The following MTA3 variants were observed in gnomAD, a reference collection of about 807,000 sequenced individuals.
The protein encoded by MTA3 is metastasis-associated protein MTA3.
MTA3 carries 34 observed loss-of-function variants against 83.5 expected under a neutral mutation model. That is an observed-to-expected ratio of 0.41 (90% CI 0.31 to 0.54). MTA3 has a LOEUF of 0.54. Ranked by LOEUF, MTA3 falls within the 20% of genes least tolerant of loss-of-function variation. The probability of loss-of-function intolerance (pLI) is 0.33; values close to 1 mark genes in which losing one functional copy is unlikely to be tolerated. For synonymous variants in MTA3, 303 were observed against 252.7 expected (o/e 1.20, Z -1.89); for missense variants, 761 against 726.4 (o/e 1.05, Z -0.55).
intron 4 of MTA3, among the ~76,000 whole-genome samples, chr2:42,627,813 A>G (rs1294343754): frequency 6.8e-6 from 1 of 146,054 alleles, no homozygotes; most frequent in Non-Finnish European, 1.5e-5. Context: ...CCTGACCTCT[A>G]ATGATCTGCC....
Position 42,579,216 on chromosome 2 carries a change from C to G in MTA3, c.190+16C>G, listed in dbSNP as rs771423812. 12 of 1,545,166 alleles carry G rather than the reference C, an allele frequency of 7.8e-6. No homozygotes were observed. The highest frequency in any genetic ancestry group is 6.3e-5 in the Admixed American group (3 of 47,734). ...AAGCATGCTAGTAAGTTGTTTTTCT[C>G]TGATTAAAAAAACGTTTTAAGTCTT... On this transcript the variant is annotated intron_variant, in intron 3 of 16. Transcript: ENST00000405094.
At chr2:42,719,204 T>TC in intron 15 of MTA3, 130 bp downstream of exon 15, 1 of 626,774 alleles carries the variant, frequency 1.6e-6, no homozygotes, top group Non-Finnish European at 2.8e-6. Context: ...TACCTTTATA[T>TC]AGTCAGTTTA....
intron 12 of MTA3, among the ~76,000 whole-genome samples, chr2:42,705,702 T>TCA (rs1209828169): frequency 6.6e-6 from 1 of 151,768 alleles, no homozygotes; most frequent in Non-Finnish European, 1.5e-5. Context: ...TGAAACATCG[T>TCA]CTCCCCCCCG....
chr2:42,615,126 C>T (rs1373603839), intron 4 of MTA3, among the ~76,000 whole-genome samples: 1 of 151,796 alleles, frequency 6.6e-6, no homozygotes, highest in East Asian at 1.9e-4. Flanking sequence ...CCCCATCTCT[C>T]CTAAAAATAC....
chr2:42,666,609 A>C (rs751132945), intron 8 of MTA3, among the ~76,000 whole-genome samples: 12 of 152,176 alleles, frequency 7.9e-5, no homozygotes, highest in Non-Finnish European at 1.2e-4. Context: ...CCATCACTTT[A>C]GGGCAGGTTG....
intron 2 of MTA3, among the ~76,000 whole-genome samples, chr2:42,498,487 C>G (rs1001171770): frequency 2.0e-5 from 3 of 152,192 alleles, no homozygotes; most frequent in Non-Finnish European, 4.4e-5. Context: ...TTAGGCCTCA[C>G]AGGGCCTGTA....
chr2:42,632,078 TC>T (rs1432788173), intron 4 of MTA3, among the ~76,000 whole-genome samples: 4 of 143,010 alleles, frequency 2.8e-5, no homozygotes, highest in African/African-American at 7.7e-5. Flanking sequence ...TACTCATTCT[TC>T]CCAGCTGCTG....
intron 3 of MTA3, among the ~76,000 whole-genome samples, chr2:42,587,414 C>T (rs972073938): frequency 2.0e-5 from 3 of 152,114 alleles, no homozygotes; most frequent in African/African-American, 7.2e-5. Flanking sequence ...ACCCAGTTCT[C>T]CCCGACAAGT....
At chr2:42,635,139 G>C (rs1687059874) in intron 4 of MTA3, among the ~76,000 whole-genome samples, 1 of 152,104 alleles carries the variant, frequency 6.6e-6, no homozygotes, top group Non-Finnish European at 1.5e-5. Context: ...TTGAATCTGT[G>C]CTATTCTGTT....
intron 16 of MTA3, among the ~76,000 whole-genome samples, chr2:42,732,137 CAGT>C (rs1668274020): frequency 6.6e-6 from 1 of 152,206 alleles, no homozygotes; most frequent in Admixed American, 6.5e-5. Flanking sequence ...GGCAGTGCCC[CAGT>C]AGGGACTCTG....
At chr2:42,638,574 G>T (rs998172512) in intron 4 of MTA3, among the ~76,000 whole-genome samples, 1 of 151,574 alleles carries the variant, frequency 6.6e-6, no homozygotes, top group Non-Finnish European at 1.5e-5. Context: ...ATCTTGCTGT[G>T]TAGCCTGGTC....
intron 2 of MTA3, among the ~76,000 whole-genome samples, chr2:42,577,105 A>AAAAAATATATAT (rs1211189566): frequency 4.6e-5 from 4 of 86,918 alleles, no homozygotes; most frequent in African/African-American, 2.2e-4. Flanking sequence ...AAAAAAAAAA[A>AAAAAATATATAT]ATATATATAT....
intron 16 of MTA3, among the ~76,000 whole-genome samples, chr2:42,742,618 C>T (rs1055900509): frequency 1.3e-5 from 2 of 152,166 alleles, no homozygotes; most frequent in South Asian, 4.1e-4. Flanking sequence ...TTCACAGAAT[C>T]ACCTAAAGAT....
Position 42,756,467 on chromosome 2 carries a change from G to T in MTA3, c.*3068G>T. On this transcript the variant is annotated 3_prime_UTR_variant, in exon 17 of 17. Coordinates refer to ENST00000405094, the MANE Select transcript of MTA3 (RefSeq NM_001330442.2). ...CAGAGCAGGGGGCTGAGGGCAAGCAGGTGGGGCTGTGCGTGGCCTCAGTGC... is the reference window on the plus strand; with the variant it reads ...CAGAGCAGGGGGCTGAGGGCAAGCATGTGGGGCTGTGCGTGGCCTCAGTGC... The T allele has an allele frequency of 2.0e-6, 2 of 985,554 alleles. No homozygotes were observed. The highest frequency in any genetic ancestry group is 1.7e-5 in the African/African-American group (1 of 57,362). The allele number at this position is 985,554 out of a possible 1,614,324, so 61.1% of individuals were successfully genotyped here.
At chr2:42,741,075 T>G (rs1280517555) in intron 16 of MTA3, among the ~76,000 whole-genome samples, 1 of 152,274 alleles carries the variant, frequency 6.6e-6, no homozygotes, top group African/African-American at 2.4e-5. Context: ...TGCTACAGCT[T>G]CTACATCAGC....
chr2:42,578,798 T>C (rs1573035653), intron 2 of MTA3, among the ~76,000 whole-genome samples: 2 of 152,180 alleles, frequency 1.3e-5, no homozygotes, highest in East Asian at 3.8e-4. Flanking sequence ...ATTGAAGCAG[T>C]TGGGGGATTA....
intron 4 of MTA3, among the ~76,000 whole-genome samples, chr2:42,616,528 A>G (rs560370117): frequency 6.7e-6 from 1 of 149,764 alleles, no homozygotes; most frequent in Admixed American, 6.7e-5. Flanking sequence ...TTCTTTAAGG[A>G]AATAAGCCAT....
At chr2:42,542,198 G>A (rs1250978327) in intron 2 of MTA3, among the ~76,000 whole-genome samples, 2 of 152,162 alleles carry the variant, frequency 1.3e-5, no homozygotes, top group Non-Finnish European at 2.9e-5. Flanking sequence ...GGGTCTTCCC[G>A]TACGCCAGTC....
chr2:42,720,195 T>C (rs7578547), intron 15 of MTA3, among the ~76,000 whole-genome samples: 97,368 of 151,186 alleles, frequency 0.64, 31,970 homozygotes, highest in South Asian at 0.8. Flanking sequence ...TTTATTTATT[T>C]TTTTTGAGAC....
Sources: allele counts gnomAD v4.1 joint callset (sites outside exome capture counted in the v4.1 genomes callset), GRCh38; gene constraint gnomAD v4.1.1; transcripts MANE v1.5; gene names NCBI Gene and HGNC (gene_info 2026-07-23, HGNC 2026-07-21).